ANO2: variants seen among roughly 807,000 people sequenced by gnomAD.
ANO2 encodes anoctamin-2.
Under a neutral mutation model 124.2 loss-of-function variants are expected in ANO2, and 101 were observed. That is an observed-to-expected ratio of 0.81 (90% CI 0.69 to 0.96). The LOEUF (loss-of-function observed/expected upper bound fraction) is 0.96. ANO2 is among the 40% of genes least tolerant of loss of function. The pLI is 0.00. For synonymous variants in ANO2, 486 were observed against 482.5 expected (o/e 1.01, Z -0.09); for missense variants, 1,293 against 1,274.5 (o/e 1.01, Z -0.22).
At position 5,733,561 on chromosome 12, in the gene ANO2, G is replaced by T. The variant is rs1176827853; in HGVS notation, c.1435-931C>A. Among the ~76,000 whole-genome samples, 3 of 152,190 alleles carry T rather than the reference G, an allele frequency of 2.0e-5. No individual in the cohort carries two copies. The East Asian group carries it at 5.8e-4, about 29-fold the overall frequency. ...CTCACAATGGGCTCTGCCATTCAGG[G>T]AACACACATGTCCTTATCCCTGTCC... On this transcript the variant is annotated intron_variant, in intron 13 of 24. Transcript: ENST00000682330.
chr12:5,726,845 A>G (rs977994831), intron 14 of ANO2, among the ~76,000 whole-genome samples: 1 of 152,202 alleles, frequency 6.6e-6, no homozygotes, highest in Non-Finnish European at 1.5e-5. Context: ...ATCTCTGCAC[A>G]TCAGCAAAGA....
chr12:5,587,755 C>G (rs1271791737), intron 20 of ANO2, among the ~76,000 whole-genome samples: 3 of 152,154 alleles, frequency 2.0e-5, no homozygotes, highest in Non-Finnish European at 4.4e-5. Context: ...CCCTCCCTCT[C>G]AGGTTTCCCT....
At chr12:5,830,574 T>C in intron 5 of ANO2, 85 bp from the exon 6 acceptor site, 1 of 1,264,724 alleles carries the variant, frequency 7.9e-7, no homozygotes, top group Non-Finnish European at 1.1e-6. Flanking sequence ...ACAACAAATC[T>C]TTAGAAAGCA....
intron 14 of ANO2, among the ~76,000 whole-genome samples, chr12:5,661,207 C>T (rs1947423407): frequency 6.6e-6 from 1 of 152,208 alleles, no homozygotes; most frequent in South Asian, 2.1e-4. Context: ...CCTAGTGCTT[C>T]CTGTCCCTTT....
At chr12:5,727,598 T>TCAAAAA (rs1390229138) in intron 14 of ANO2, among the ~76,000 whole-genome samples, 1 of 148,948 alleles carries the variant, frequency 6.7e-6, no homozygotes, top group African/African-American at 2.4e-5. Context: ...TCTCCTATGG[T>TCAAAAA]CAAAAACAAA....
Position 5,578,354 on chromosome 12 carries a change from T to A in ANO2, c.2386+12A>T, listed in dbSNP as rs1001169239. 6.2e-7 allele frequency: 1 copy of A among 1,611,424 alleles called. No individual in the cohort carries two copies. The highest frequency in any genetic ancestry group is 1.7e-5 in the Admixed American group (1 of 59,930). On this transcript the variant is annotated intron_variant, in intron 21 of 24. Coordinates refer to ENST00000682330, the MANE Select transcript of ANO2 (RefSeq NM_001364791.2). ...GGATGGGCCTGGTGGGGCCTCTAAG[T>A]GGGGCACGTACCGATATCTTTGGTT...
chr12:5,694,712 A>G (rs539676220), intron 14 of ANO2, among the ~76,000 whole-genome samples: 1 of 152,148 alleles, frequency 6.6e-6, no homozygotes, highest in Admixed American at 6.5e-5. Flanking sequence ...GGAGCAAAGG[A>G]GTAGGTTTCT....
At chr12:5,789,133 G>A (rs958035714) in intron 10 of ANO2, among the ~76,000 whole-genome samples, 2 of 151,962 alleles carry the variant, frequency 1.3e-5, no homozygotes, top group Admixed American at 1.3e-4. Context: ...GAGAGGGATA[G>A]AAGCACAGTA....
intron 4 of ANO2, among the ~76,000 whole-genome samples, chr12:5,838,100 C>T (rs1954387578): frequency 1.3e-5 from 2 of 152,230 alleles, no homozygotes; most frequent in East Asian, 3.8e-4. Flanking sequence ...CTGGCTCTGG[C>T]AGACGTTCAG....
chr12:5,796,525 ACACT>A (rs1952864067), intron 10 of ANO2, among the ~76,000 whole-genome samples: 1 of 151,826 alleles, frequency 6.6e-6, no homozygotes. Flanking sequence ...ACACATTCTC[ACACT>A]CACACACACT....
chr12:5,572,074 G>A (rs955051415), intron 23 of ANO2, among the ~76,000 whole-genome samples: 1 of 152,210 alleles, frequency 6.6e-6, no homozygotes, highest in Admixed American at 6.5e-5. Context: ...AGGCAGAGAT[G>A]TAACACCAAT....
chr12:5,669,155 T>G (rs1316153339), intron 14 of ANO2, among the ~76,000 whole-genome samples: 1 of 152,224 alleles, frequency 6.6e-6, no homozygotes, highest in Admixed American at 6.5e-5. Context: ...ACAATATTGA[T>G]TCTTCCTATC....
In ANO2 at chr12:5,904,684, GT is replaced by G. The variant is rs1233155518; in HGVS notation, c.534+16355del. Among the ~76,000 whole-genome samples, 1 of 152,160 alleles carries G rather than the reference GT, an allele frequency of 6.6e-6. No homozygotes were observed. Among genetic ancestry groups the G allele is most frequent in the African/African-American group, 2.4e-5 (1 of 41,442 alleles). On this transcript the variant is annotated intron_variant, in intron 3 of 24. Coordinates refer to ENST00000682330, the MANE Select transcript of ANO2 (RefSeq NM_001364791.2). The surrounding 1 kb of genome is among the most constrained non-coding windows in gnomAD (Gnocchi z 4.1). ...CTTCTCGATCTTCAAATTTTGCAGT[GT>G]CATCCTCTAGCCTTGCTCCCCCTGG...
intron 14 of ANO2, among the ~76,000 whole-genome samples, chr12:5,662,225 G>T (rs1448583090): frequency 1.6e-4 from 25 of 152,248 alleles, no homozygotes; most frequent in Admixed American, 1.2e-3. Context: ...CACCAGAGAA[G>T]ACCTAGACCT....
chr12:5,827,918 C>G, intron 6 of ANO2, 98 bp from the exon 7 acceptor site: 3 of 1,379,672 alleles, frequency 2.2e-6, no homozygotes, highest in South Asian at 2.7e-5. Flanking sequence ...GGGAGGCGCC[C>G]GGGCTCATTT....
intron 14 of ANO2, among the ~76,000 whole-genome samples, chr12:5,702,506 GAAC>G (rs1158268566): frequency 1.3e-5 from 2 of 148,626 alleles, no homozygotes; most frequent in Admixed American, 6.7e-5. Context: ...GAGCAAAAGA[GAAC>G]AACAACTCAC....
chr12:5,578,391 C>T lies in ANO2; in HGVS notation c.2361G>A (p.Pro787=), dbSNP rs149600297. 4.8e-5 allele frequency: 77 copies of T among 1,613,894 alleles called. No individual in the cohort carries two copies. Among genetic ancestry groups the T allele is most frequent in the African/African-American group, 3.2e-4 (24 of 75,036 alleles). The stretch of plus-strand genomic sequence containing the variant: ...CGATATCTTTGGTTCTTACAGCATC[C>T]GGCCGTCTCAGCTCTGTAACAAACT... The part of the protein sequence containing the change: ...AKKFVTELRR[P]DAVRTKDIGI... Residue 787 remains proline, a synonymous_variant, in exon 21 of 25, where the codon CCG becomes CCA. Transcript: ENST00000682330.
At chr12:5,893,711 A>G (rs1939573547) in intron 3 of ANO2, among the ~76,000 whole-genome samples, 1 of 149,792 alleles carries the variant, frequency 6.7e-6, no homozygotes, top group South Asian at 2.1e-4. Flanking sequence ...TCATTGTTCA[A>G]CTCCCACTTG....
intron 14 of ANO2, among the ~76,000 whole-genome samples, chr12:5,694,072 G>T (rs1206169042): frequency 2.0e-5 from 3 of 152,094 alleles, no homozygotes; most frequent in Non-Finnish European, 4.4e-5. Context: ...CCCAGAGTTT[G>T]TGCCTGCAAC....
Sources: allele counts gnomAD v4.1 joint callset (sites outside exome capture counted in the v4.1 genomes callset), GRCh38; gene constraint gnomAD v4.1.1; non-coding constraint Gnocchi (gnomAD v3.1); transcripts MANE v1.5; gene names NCBI Gene and HGNC (gene_info 2026-07-23, HGNC 2026-07-21).